Variants in CCDC148 observed in about 807,000 individuals in gnomAD.
CCDC148 encodes coiled-coil domain containing 148.
Under a neutral mutation model 85.7 loss-of-function variants are expected in CCDC148, and 89 were observed. The observed-to-expected ratio is 1.04, with a 90% CI of 0.87 to 1.24. CCDC148 has a LOEUF of 1.24. CCDC148 is among the 50% of genes most tolerant of loss of function. The pLI is 0.00. For synonymous variants in CCDC148, 230 were observed against 213.9 expected (o/e 1.08, Z -0.66); for missense variants, 692 against 671.7 (o/e 1.03, Z -0.33).
chr2:158,270,247 T>A (rs1574513007), intron 9 of CCDC148, among the ~76,000 whole-genome samples: 1 of 152,200 alleles, frequency 6.6e-6, no homozygotes, highest in African/African-American at 2.4e-5. Flanking sequence ...TTATTTTACC[T>A]GCACATTTTG....
At chr2:158,314,535 C>T (rs115069816) in intron 7 of CCDC148, among the ~76,000 whole-genome samples, 548 of 152,298 alleles carry the variant, frequency 3.6e-3, no homozygotes, top group Non-Finnish European at 5.3e-3. Context: ...AGTAACATAT[C>T]CACTACGCTC....
At chr2:158,286,789 A>G (rs1690646366) in intron 9 of CCDC148, among the ~76,000 whole-genome samples, 1 of 152,198 alleles carries the variant, frequency 6.6e-6, no homozygotes, top group Admixed American at 6.5e-5. Flanking sequence ...TATGATAAAA[A>G]GTAATATTAG....
intron 7 of CCDC148, among the ~76,000 whole-genome samples, chr2:158,328,511 T>C (rs145874131): frequency 0.18 from 26,952 of 152,136 alleles, 3,100 homozygotes; most frequent in Middle Eastern, 0.26. Flanking sequence ...TGATTTATAA[T>C]CCTTTGGGTA....
chr2:158,440,009 C>T (rs1014593677), intron 1 of CCDC148, among the ~76,000 whole-genome samples: 7 of 151,854 alleles, frequency 4.6e-5, no homozygotes, highest in Non-Finnish European at 1.0e-4. Context: ...CAGGCATGTT[C>T]CATCACACCC....
chr2:158,272,640 G>A (rs1430713800), intron 9 of CCDC148, among the ~76,000 whole-genome samples: 4 of 152,184 alleles, frequency 2.6e-5, no homozygotes, highest in African/African-American at 9.7e-5. Flanking sequence ...CGAGATGGAT[G>A]TATAGTAGCT....
intron 9 of CCDC148, among the ~76,000 whole-genome samples, chr2:158,293,519 G>A (rs1031919477): frequency 3.9e-5 from 6 of 152,164 alleles, no homozygotes; most frequent in Non-Finnish European, 7.3e-5. Flanking sequence ...TAGAGTAGAT[G>A]GAGACTAAGA....
intron 9 of CCDC148, among the ~76,000 whole-genome samples, chr2:158,270,831 C>T (rs879642485): frequency 3.3e-5 from 5 of 152,108 alleles, no homozygotes. Flanking sequence ...AGAAAGCACT[C>T]TTAGTATTTT....
rs375077585 is a variant in CCDC148, at chr2:158,340,398, G to T, written c.335-5C>A. The stretch of plus-strand genomic sequence containing the variant: ...GTTGTTCTGATAGCTCTTGCTCTAT[G>T]GTGAAACAAAATTGAATTAAAGGAA... On this transcript the variant is annotated splice_polypyrimidine_tract_variant and splice_region_variant and intron_variant, in intron 4 of 13. Coordinates refer to ENST00000283233, the MANE Select transcript of CCDC148 (RefSeq NM_138803.4). The T allele has an allele frequency of 6.2e-7, 1 of 1,611,766 alleles. No homozygotes were observed. Among genetic ancestry groups the T allele is most frequent in the African/African-American group, 1.3e-5 (1 of 74,890 alleles).
rs189916914 is a variant in CCDC148, at chr2:158,438,787, C to T, written c.25+17628G>A. Among the ~76,000 whole-genome samples the T allele has an allele frequency of 3.9e-3, 591 of 152,202 alleles. 3 individuals carry two copies. Among genetic ancestry groups the T allele is most frequent in the African/African-American group, 0.013 (549 of 41,494 alleles). On this transcript the variant is annotated intron_variant, in intron 1 of 13. Transcript: ENST00000283233. Reference sequence around the variant, plus strand: ...CTCCAACAAATTTACAAGAAAAAAACGAACAACCCCATCAAAAAGTGGGCG... The same window carrying T: ...CTCCAACAAATTTACAAGAAAAAAATGAACAACCCCATCAAAAAGTGGGCG...
intron 11 of CCDC148, among the ~76,000 whole-genome samples, chr2:158,218,136 T>C (rs1686988068): frequency 6.6e-6 from 1 of 152,214 alleles, no homozygotes; most frequent in Non-Finnish European, 1.5e-5. Flanking sequence ...TTTTCACTGA[T>C]TTTCCACTGG....
intron 1 of CCDC148, among the ~76,000 whole-genome samples, chr2:158,407,572 A>G (rs1453882157): frequency 6.6e-6 from 1 of 152,188 alleles, no homozygotes. Context: ...AGAGAGGTAT[A>G]TACAGCCAGA....
intron 1 of CCDC148, among the ~76,000 whole-genome samples, chr2:158,358,913 T>C (rs183270954): frequency 6.6e-6 from 1 of 152,252 alleles, no homozygotes; most frequent in Non-Finnish European, 1.5e-5. Context: ...TAAAATGTGA[T>C]AGACATCAAC....
rs764917346 is a variant in CCDC148 at position 158,313,786 on chromosome 2, T to C, written c.873A>G (p.Arg291=). ...RRTLYLDMLQ[R]YFPHKSRHDL... is the part of the protein sequence containing the mutation. ...CATGCCTAGATTTGTGAGGAAAATA[T>C]CTTTGTAACATGTCCAGATACAGAG... Residue 291 remains arginine (R), a synonymous_variant, in exon 8 of 14, where the codon AGA becomes AGG. Transcript: ENST00000283233. 1.2e-6 allele frequency: 2 copies of C among 1,613,920 alleles called. No individual in the cohort carries two copies. Among genetic ancestry groups the C allele is most frequent in the East Asian group, 2.2e-5 (1 of 44,840 alleles).
intron 1 of CCDC148, among the ~76,000 whole-genome samples, chr2:158,367,640 A>T (rs752686258): frequency 5.3e-5 from 8 of 152,324 alleles, no homozygotes; most frequent in Non-Finnish European, 8.8e-5. Context: ...TATGGCCATA[A>T]GAAATCTGAC....
At chr2:158,200,812 A>G (rs1035869246) in intron 11 of CCDC148, among the ~76,000 whole-genome samples, 10 of 152,144 alleles carry the variant, frequency 6.6e-5, no homozygotes, top group African/African-American at 2.4e-4. Flanking sequence ...GTTCTGTGTA[A>G]ATGTCCAATT....
chr2:158,305,093 G>C (rs1018070725), intron 9 of CCDC148, among the ~76,000 whole-genome samples: 11 of 152,146 alleles, frequency 7.2e-5, no homozygotes, highest in Non-Finnish European at 1.5e-4. Context: ...TCCTATGACA[G>C]TGCAGATCTG....
chr2:158,282,952 C>A (rs988443794), intron 9 of CCDC148, among the ~76,000 whole-genome samples: 2 of 152,168 alleles, frequency 1.3e-5, no homozygotes, highest in Non-Finnish European at 2.9e-5. Flanking sequence ...TGGAACAGAA[C>A]AGAGCCCTCG....
intron 10 of CCDC148, among the ~76,000 whole-genome samples, chr2:158,230,403 G>A (rs1322886766): frequency 6.6e-6 from 1 of 152,158 alleles, no homozygotes; most frequent in African/African-American, 2.4e-5. Flanking sequence ...CCTGGTAGAT[G>A]AGCGTGAAAC....
At chr2:158,373,202 A>C (rs1394101945) in intron 1 of CCDC148, among the ~76,000 whole-genome samples, 1 of 152,024 alleles carries the variant, frequency 6.6e-6, no homozygotes, top group Non-Finnish European at 1.5e-5. Flanking sequence ...GCGTTGAAGA[A>C]GCATGAAACC....
Sources: allele counts gnomAD v4.1 joint callset (sites outside exome capture counted in the v4.1 genomes callset), GRCh38; gene constraint gnomAD v4.1.1; transcripts MANE v1.5; gene names NCBI Gene and HGNC (gene_info 2026-07-23, HGNC 2026-07-21).